BUB1: variants seen among roughly 807,000 people sequenced by gnomAD.
The protein encoded by BUB1 is mitotic checkpoint serine/threonine-protein kinase BUB1.
In BUB1, 84 loss-of-function variants were observed where a neutral mutation model predicts 135.2. The ratio of observed to expected loss-of-function variants is 0.62; its 90% CI spans 0.52 to 0.74. BUB1 has a LOEUF of 0.74. Among genes scored for constraint, BUB1 ranks in the 30% least tolerant of loss-of-function variants. The pLI, the probability that BUB1 is intolerant of heterozygous loss-of-function variation, is 0.00. For missense variants in BUB1, 1,162 were observed against 1,288.3 expected (o/e 0.90, Z 1.50); for synonymous variants, 403 against 434.4 (o/e 0.93, Z 0.90).
chr2:110,670,473 A>G (rs1690391959), intron 5 of BUB1, 52 bp downstream of exon 5: 2 of 1,597,376 alleles, frequency 1.3e-6, no homozygotes, highest in Admixed American at 1.7e-5. Context: ...ATACTAGTAC[A>G]AATCCAAGAC....
intron 8 of BUB1, 33 bp downstream of exon 8, chr2:110,667,488 T>C: frequency 6.4e-7 from 1 of 1,572,240 alleles, no homozygotes; most frequent in Non-Finnish European, 8.6e-7. Flanking sequence ...TTATGTGACA[T>C]AAGAATAACT....
At chr2:110,667,974 G>T in intron 6 of BUB1, 125 bp from the exon 7 acceptor site, 1 of 787,800 alleles carries the variant, frequency 1.3e-6, no homozygotes. Flanking sequence ...GTAGATTTAT[G>T]TAATTTTAAA....
In BUB1 at chr2:110,673,723, C is replaced by T. The variant is rs538034042; in HGVS notation, c.225+363G>A. Among the ~76,000 whole-genome samples, 21 of 152,156 alleles carry T rather than the reference C, an allele frequency of 1.4e-4. No homozygotes were observed. In the East Asian group the frequency reaches 3.9e-3, roughly 28 times the overall value. On this transcript the variant is annotated intron_variant, in intron 3 of 24. Transcript: ENST00000302759. ...GAGCAATTCTCCTGCCATAGCCCCC[C>T]GAGTAGCTGGGATTACAGGTGCCTG...
intron 17 of BUB1, among the ~76,000 whole-genome samples, chr2:110,652,438 A>G (rs1323094734): frequency 2.0e-5 from 3 of 152,186 alleles, no homozygotes; most frequent in Admixed American, 1.3e-4. Flanking sequence ...AGCACTAGAA[A>G]CCTGTGAAAA....
chr2:110,652,087 C>T (rs966833437), intron 17 of BUB1, among the ~76,000 whole-genome samples: 2 of 151,898 alleles, frequency 1.3e-5, no homozygotes, highest in Non-Finnish European at 2.9e-5. Flanking sequence ...CACACACACA[C>T]AGTATACAGT....
rs376146753 is a variant in BUB1, at chr2:110,657,091, G to A, written c.1643C>T (p.Thr548Ile). Residue 548 changes from threonine to isoleucine, a missense_variant, in exon 15 of 25, where the codon ACA (threonine) becomes ATA (isoleucine). Transcript: ENST00000302759. Reference sequence around the variant, plus strand: ...GCGTTCTCCAAAGGTCCTGGCTCCTGTGGGTTTATTTTTAGGCTGTGGTAA... The same window carrying A: ...GCGTTCTCCAAAGGTCCTGGCTCCTATGGGTTTATTTTTAGGCTGTGGTAA... ...YGLPQPKNKP[T>I]GARTFGERSV... is the part of the protein sequence containing the mutation. 70 of 1,613,078 alleles carry A rather than the reference G, an allele frequency of 4.3e-5. 1 individual carries two copies. The highest frequency in any genetic ancestry group is 5.7e-5 in the Non-Finnish European group (67 of 1,179,536).
intron 19 of BUB1, among the ~76,000 whole-genome samples, chr2:110,644,078 A>AAAAAAG (rs1271754872): frequency 6.6e-6 from 1 of 150,956 alleles, no homozygotes; most frequent in Non-Finnish European, 1.5e-5. Context: ...AAAAAAAAAA[A>AAAAAAG]AAATAGAAAG....
At chr2:110,666,550 G>T in intron 8 of BUB1, 136 bp from the exon 9 acceptor site, 2 of 608,282 alleles carry the variant, frequency 3.3e-6, no homozygotes, top group Non-Finnish European at 2.4e-6. Flanking sequence ...GGTTTTAGAA[G>T]TGAAACTTGT....
rs1690510729 is a variant in BUB1 at position 110,674,223 on chromosome 2, A to G, written c.88T>C (p.Tyr30His). The G allele has an allele frequency of 1.2e-6, 2 of 1,609,678 alleles. 1 individual carries two copies. The highest frequency in any genetic ancestry group is 2.2e-5 in the South Asian group (2 of 90,898). The change falls in exon 3 of 25, where the codon TAC becomes CAC. Residue 30 changes from tyrosine to histidine, a missense_variant and splice_region_variant. Physicochemically the swap from Tyr to His is moderately conservative, Grantham distance 83. Transcript: ENST00000302759. The part of the protein sequence containing the change: ...GNDPLGEWER[Y>H]IQWVEENFPE... ...AAATTCTCTTCTACCCACTGTATGT[A>G]TCTAGAAAAATATGGATAATGTTAA...
At chr2:110,658,843 T>C (rs767347557) in intron 11 of BUB1, 101 bp from the exon 12 acceptor site, 1 of 1,436,160 alleles carries the variant, frequency 7.0e-7, no homozygotes. Context: ...AGTTTGTCAT[T>C]GTTAAAAATT....
At chr2:110,638,712 T>C (rs1323370436) in intron 24 of BUB1, among the ~76,000 whole-genome samples, 1 of 152,254 alleles carries the variant, frequency 6.6e-6, no homozygotes, top group Admixed American at 6.5e-5. Flanking sequence ...TCAGGCCTGC[T>C]GAGGGTTAAC....
At chr2:110,668,964 A>G (rs1183181816) in intron 6 of BUB1, among the ~76,000 whole-genome samples, 1 of 152,228 alleles carries the variant, frequency 6.6e-6, no homozygotes, top group African/African-American at 2.4e-5. Context: ...GAGATACACA[A>G]AACATAAAGA....
rs201374240 is a variant in BUB1 at position 110,667,751 on chromosome 2, C to T, written c.620+46G>A. On this transcript the variant is annotated intron_variant, in intron 7 of 24. Transcript: ENST00000302759. ...TTATTTACAACAATGTACCTAAGAGCACTTAAAGGAAACTAATAATAGATT... is the reference window on the plus strand; with the variant it reads ...TTATTTACAACAATGTACCTAAGAGTACTTAAAGGAAACTAATAATAGATT... 1.6e-4 allele frequency: 251 copies of T among 1,609,710 alleles called. 2 individuals carry two copies. Among genetic ancestry groups the T allele is most frequent in the Non-Finnish European group, 8.5e-6 (10 of 1,178,298 alleles).
Position 110,641,181 on chromosome 2 carries a change from ATCT to A in BUB1, c.2805_2807del (p.Glu935del). On this transcript the variant is annotated inframe_deletion, in exon 23 of 25. Transcript: ENST00000302759. ...TCAGTGCCAAGCCAGCAGATAAATC[ATCT>A]TCATCATCCTGTTCCAAAAATCTAT... 3.7e-6 allele frequency: 6 copies of A among 1,605,500 alleles called. No homozygotes were observed. Among genetic ancestry groups the A allele is most frequent in the Non-Finnish European group, 5.1e-6 (6 of 1,177,120 alleles).
intron 5 of BUB1, 125 bp from the exon 6 acceptor site, chr2:110,669,678 C>A: frequency 1.7e-6 from 1 of 597,690 alleles, no homozygotes. Flanking sequence ...CTCATTCACA[C>A]TGTCTCAGAA....
intron 15 of BUB1, among the ~76,000 whole-genome samples, chr2:110,656,213 T>C (rs1689930879): frequency 6.6e-6 from 1 of 152,202 alleles, no homozygotes; most frequent in Admixed American, 6.5e-5. Context: ...AATTTCCACA[T>C]ACCCTCCTCA....
intron 15 of BUB1, among the ~76,000 whole-genome samples, chr2:110,656,569 G>A (rs1395401717): frequency 6.6e-6 from 1 of 152,226 alleles, no homozygotes; most frequent in African/African-American, 2.4e-5. Flanking sequence ...GAGGTGAAAT[G>A]TTCTTCTCAT....
At chr2:110,676,998 C>T (rs1049815343) in intron 1 of BUB1, among the ~76,000 whole-genome samples, 1 of 152,156 alleles carries the variant, frequency 6.6e-6, no homozygotes, top group Non-Finnish European at 1.5e-5. Flanking sequence ...TATTTCAGAA[C>T]CTTTCTTCCA....
At chr2:110,673,073 G>A (rs1690466906) in intron 3 of BUB1, among the ~76,000 whole-genome samples, 1 of 152,108 alleles carries the variant, frequency 6.6e-6, no homozygotes, top group Non-Finnish European at 1.5e-5. Flanking sequence ...AATCACCAAT[G>A]GCCAATGATT....
Sources: gnomAD v4.1 joint callset for allele counts (sites outside exome capture counted in the v4.1 genomes callset) on GRCh38, gnomAD v4.1.1 for gene constraint, MANE v1.5 for transcripts, NCBI Gene and HGNC (gene_info 2026-07-23, HGNC 2026-07-21) for gene names.